The following SLC26A7 variants were observed in gnomAD, a reference collection of about 807,000 sequenced individuals.
The protein encoded by SLC26A7 is solute carrier family 26 member 7, also known as anion exchange transporter.
In SLC26A7, 59 loss-of-function variants were observed where a neutral mutation model predicts 82.5. The observed-to-expected ratio is 0.72, with a 90% CI of 0.58 to 0.89. SLC26A7 has a LOEUF of 0.89. SLC26A7 is among the 40% of genes least tolerant of loss of function. SLC26A7 has a pLI of 0.00. For synonymous variants in SLC26A7, 271 were observed against 274.3 expected (o/e 0.99, Z 0.12); for missense variants, 820 against 793.0 (o/e 1.03, Z -0.41).
At chr8:91,216,088 T>C (rs1372473187) in intron 1 of SLC26A7, among the ~76,000 whole-genome samples, 1 of 152,164 alleles carries the variant, frequency 6.6e-6, no homozygotes, top group South Asian at 2.1e-4. Context: ...CTGAAAAATA[T>C]TGTATAAGAA....
Position 91,394,981 on chromosome 8 carries a change from G to A in SLC26A7, c.1936-81G>A. 2.0e-6 allele frequency: 3 copies of A among 1,486,114 alleles called. No homozygotes were observed. In the South Asian group the frequency reaches 3.4e-5, roughly 17 times the overall value. The allele number at this position is 1,486,114 out of a possible 1,614,324, so 92.1% of individuals were successfully genotyped here. ...TGGCTTAGCTGGACAGCTTGCTTCAGTTACTACTGTTCTTTTACTTTGGTA... is the reference window on the plus strand; with the variant it reads ...TGGCTTAGCTGGACAGCTTGCTTCAATTACTACTGTTCTTTTACTTTGGTA... On this transcript the variant is annotated intron_variant, in intron 18 of 18. Coordinates refer to ENST00000276609, the MANE Select transcript of SLC26A7 (RefSeq NM_052832.4).
At chr8:91,273,557 A>G (rs542261029) in intron 2 of SLC26A7, among the ~76,000 whole-genome samples, 2 of 152,264 alleles carry the variant, frequency 1.3e-5, no homozygotes, top group Admixed American at 1.3e-4. Context: ...TATATATGAG[A>G]CATACAGTTC....
rs138175529 is a variant in SLC26A7, at chr8:91,311,229, G to T, written c.478-6987G>T. Among the ~76,000 whole-genome samples, 350 of 152,248 alleles carry T rather than the reference G, an allele frequency of 2.3e-3. 1 individual carries two copies. Among genetic ancestry groups the T allele is most frequent in the African/African-American group, 7.9e-3 (328 of 41,554 alleles). ...GCACATTCTTTTGCCACCCACTTCA[G>T]TGAGGTTGTTGCATCCATTTAGCCT... On this transcript the variant is annotated intron_variant, in intron 4 of 18. Transcript: ENST00000276609.
At chr8:91,285,791 G>A (rs747344696) in intron 2 of SLC26A7, among the ~76,000 whole-genome samples, 4 of 152,140 alleles carry the variant, frequency 2.6e-5, no homozygotes, top group Non-Finnish European at 4.4e-5. Flanking sequence ...AGTCCTAGCT[G>A]TCTGATCTTA....
rs1423342869 is a variant in SLC26A7, at chr8:91,393,740, T to C, written c.1777-57T>C. The C allele has an allele frequency of 2.5e-6, 4 of 1,575,998 alleles. 1 individual carries two copies. In the South Asian group the frequency reaches 4.5e-5, roughly 18 times the overall value. ...TTGATTTCTTCTGAAGCCCATCTTATTTCCTCCTGCTGGCTATTCTGAATT... is the reference window on the plus strand; with the variant it reads ...TTGATTTCTTCTGAAGCCCATCTTACTTCCTCCTGCTGGCTATTCTGAATT... On this transcript the variant is annotated intron_variant, in intron 16 of 18. Coordinates refer to ENST00000276609, the MANE Select transcript of SLC26A7 (RefSeq NM_052832.4).
chr8:91,267,738 A>G (rs1358828901), intron 2 of SLC26A7, among the ~76,000 whole-genome samples: 2 of 151,748 alleles, frequency 1.3e-5, no homozygotes, highest in African/African-American at 4.8e-5. Context: ...CATATTTTAA[A>G]AAATCTATTT....
intron 2 of SLC26A7, among the ~76,000 whole-genome samples, chr8:91,269,770 A>T (rs1469438003): frequency 6.6e-6 from 1 of 151,936 alleles, no homozygotes; most frequent in East Asian, 1.9e-4. Flanking sequence ...AGTTCACTTA[A>T]TGGTGTCCCA....
At chr8:91,374,880 A>G (rs1179486465) in intron 15 of SLC26A7, among the ~76,000 whole-genome samples, 2 of 152,054 alleles carry the variant, frequency 1.3e-5, no homozygotes, top group African/African-American at 2.4e-5. Flanking sequence ...TCTTAGGTCT[A>G]GTAGTATTCA....
intron 2 of SLC26A7, among the ~76,000 whole-genome samples, chr8:91,253,303 T>C (rs1477225405): frequency 6.6e-6 from 1 of 152,098 alleles, no homozygotes; most frequent in Non-Finnish European, 1.5e-5. Flanking sequence ...TTCTCAACTC[T>C]TTCCTCTCTT....
chr8:91,296,776 T>G (rs1003123576), intron 4 of SLC26A7, among the ~76,000 whole-genome samples: 10 of 152,186 alleles, frequency 6.6e-5, no homozygotes, highest in Non-Finnish European at 1.2e-4. Context: ...GGCTTGTATC[T>G]GAGCTATCAT....
intron 4 of SLC26A7, among the ~76,000 whole-genome samples, chr8:91,298,989 T>G (rs1214479639): frequency 6.6e-6 from 1 of 152,186 alleles, no homozygotes; most frequent in East Asian, 1.9e-4. Flanking sequence ...ACAGAATGTG[T>G]TCTCAGCCTT....
At chr8:91,219,729 A>G (rs1159637902) in intron 2 of SLC26A7, among the ~76,000 whole-genome samples, 1 of 152,154 alleles carries the variant, frequency 6.6e-6, no homozygotes, top group Non-Finnish European at 1.5e-5. Flanking sequence ...TAGAAATACA[A>G]ATTATCTGGC....
chr8:91,304,559 A>C (rs1346838470), intron 4 of SLC26A7, among the ~76,000 whole-genome samples: 2 of 152,196 alleles, frequency 1.3e-5, no homozygotes, highest in African/African-American at 4.8e-5. Flanking sequence ...ACCCAGTCTC[A>C]GGTAGTTCTT....
At chr8:91,358,002 T>G (rs1209577658) in intron 11 of SLC26A7, among the ~76,000 whole-genome samples, 1 of 152,074 alleles carries the variant, frequency 6.6e-6, no homozygotes, top group East Asian at 1.9e-4. Flanking sequence ...AACAGACACA[T>G]GAAAAAATAC....
chr8:91,325,452 A>G (rs1812906127), intron 5 of SLC26A7, among the ~76,000 whole-genome samples: 1 of 152,172 alleles, frequency 6.6e-6, no homozygotes, highest in African/African-American at 2.4e-5. Flanking sequence ...CACTGTATAG[A>G]TACAGGTAGG....
intron 2 of SLC26A7, among the ~76,000 whole-genome samples, chr8:91,281,758 T>A (rs1013628095): frequency 6.6e-6 from 1 of 152,114 alleles, no homozygotes; most frequent in African/African-American, 2.4e-5. Context: ...GGCCATTGGT[T>A]CCTATAAGCC....
chr8:91,388,957 A>G (rs1814879020), intron 15 of SLC26A7, among the ~76,000 whole-genome samples: 1 of 152,132 alleles, frequency 6.6e-6, no homozygotes, highest in African/African-American at 2.4e-5. Context: ...ACATTGTGAT[A>G]TTGTGGAAAA....
intron 4 of SLC26A7, among the ~76,000 whole-genome samples, chr8:91,296,312 G>GGT (rs1812015139): frequency 6.6e-6 from 1 of 152,138 alleles, no homozygotes; most frequent in African/African-American, 2.4e-5. Context: ...AAAGCTCAGA[G>GGT]GTGACTATAA....
At chr8:91,282,823 G>A (rs1434615571) in intron 2 of SLC26A7, among the ~76,000 whole-genome samples, 1 of 152,170 alleles carries the variant, frequency 6.6e-6, no homozygotes, top group Non-Finnish European at 1.5e-5. Flanking sequence ...CATTCCAGGT[G>A]AGCTAAGCAA....
Sources: allele counts gnomAD v4.1 joint callset (sites outside exome capture counted in the v4.1 genomes callset), GRCh38; gene constraint gnomAD v4.1.1; transcripts MANE v1.5; gene names NCBI Gene and HGNC (gene_info 2026-07-23, HGNC 2026-07-21).